SOX6: variants seen among roughly 807,000 people sequenced by gnomAD.
SOX6 encodes the protein transcription factor SOX-6.
Under a neutral mutation model 97.8 loss-of-function variants are expected in SOX6, and 11 were observed. That is an observed-to-expected ratio of 0.11 (90% CI 0.07 to 0.19). SOX6 has a LOEUF of 0.19. Ranked by LOEUF, SOX6 falls within the 10% of genes least tolerant of loss-of-function variation. The pLI, the probability that SOX6 is intolerant of heterozygous loss-of-function variation, is 1.00. For missense variants in SOX6, 810 were observed against 1,039.5 expected, an observed-to-expected ratio of 0.78 and a Z score of 3.04; for synonymous variants, 360 against 371.4, an observed-to-expected ratio of 0.97 and a Z score of 0.35.
intron 3 of SOX6, among the ~76,000 whole-genome samples, chr11:16,288,876 A>C (rs1485148671): frequency 2.6e-5 from 4 of 152,142 alleles, no homozygotes; most frequent in African/African-American, 9.6e-5. Flanking sequence ...TCCATTAAAC[A>C]AATCATATTT....
At chr11:16,071,926 A>G (rs1232075392) in intron 9 of SOX6, among the ~76,000 whole-genome samples, 1 of 151,604 alleles carries the variant, frequency 6.6e-6, no homozygotes, top group East Asian at 1.9e-4. Context: ...AAAAAAAAAG[A>G]AAAACATTCA....
At chr11:16,113,443 T>C (rs1352779870) in intron 6 of SOX6, among the ~76,000 whole-genome samples, 2 of 152,206 alleles carry the variant, frequency 1.3e-5, no homozygotes, top group Non-Finnish European at 2.9e-5. Context: ...CCTGCTTAAA[T>C]TGGAGCTGAT....
At chr11:16,444,696 C>A (rs1859579530) in intron 1 of SOX6, among the ~76,000 whole-genome samples, 1 of 152,168 alleles carries the variant, frequency 6.6e-6, no homozygotes. Flanking sequence ...TAGAATCATT[C>A]TGACATAGTG....
chr11:16,140,223 T>TTCAAACCC (rs1317617864), intron 6 of SOX6, among the ~76,000 whole-genome samples: 1 of 152,132 alleles, frequency 6.6e-6, no homozygotes, highest in African/African-American at 2.4e-5. Flanking sequence ...TAATAGGATC[T>TTCAAACCC]TCAAACCCCA....
Position 15,977,871 on chromosome 11 carries a change from T to C in SOX6, c.2184-4759A>G, listed in dbSNP as rs188762439. ...CTCCCCCTTTCTCACTCCAAGCTAATGGCCTGGCTTTCTATTTCATGGAGA... is the reference window on the plus strand; with the variant it reads ...CTCCCCCTTTCTCACTCCAAGCTAACGGCCTGGCTTTCTATTTCATGGAGA... On this transcript the variant is annotated intron_variant, in intron 15 of 15. Coordinates refer to ENST00000683767, the MANE Select transcript of SOX6 (RefSeq NM_001367873.1). Among the ~76,000 whole-genome samples, 8 of 152,174 alleles carry C rather than the reference T, an allele frequency of 5.3e-5. No individual in the cohort carries two copies. The East Asian group carries it at 1.6e-3, about 30-fold the overall frequency.
chr11:16,286,376 G>A (rs1268476343), intron 3 of SOX6, among the ~76,000 whole-genome samples: 1 of 152,084 alleles, frequency 6.6e-6, no homozygotes, highest in Non-Finnish European at 1.5e-5. Flanking sequence ...TACATATCAA[G>A]AAGAAGAGGA....
At chr11:16,348,726 G>T (rs543568062) in intron 1 of SOX6, among the ~76,000 whole-genome samples, 6 of 152,214 alleles carry the variant, frequency 3.9e-5, no homozygotes, top group African/African-American at 1.4e-4. Flanking sequence ...TTTGTTTTTA[G>T]AGATGTCTTT....
At chr11:15,998,164 G>A (rs998244211) in intron 13 of SOX6, among the ~76,000 whole-genome samples, 2 of 151,284 alleles carry the variant, frequency 1.3e-5, no homozygotes, top group Non-Finnish European at 3.0e-5. Flanking sequence ...AATGTCATCT[G>A]TTCATATATA....
intron 1 of SOX6, among the ~76,000 whole-genome samples, chr11:16,426,189 G>T (rs2133070037): frequency 7.5e-6 from 1 of 133,406 alleles, no homozygotes; most frequent in Non-Finnish European, 1.5e-5. Context: ...CCGGGAGGCA[G>T]AGCTTGCAGT....
At chr11:16,555,406 T>C (rs1429804965) in intron 4 of SOX6, among the ~76,000 whole-genome samples, 2 of 151,568 alleles carry the variant, frequency 1.3e-5, no homozygotes, top group African/African-American at 4.8e-5. Context: ...AAATAAAATA[T>C]ATTATCATTA....
At position 15,972,450 on chromosome 11, in the gene SOX6, C is replaced by T. The variant is rs1853344464; in HGVS notation, c.*359G>A. ...ATACCTGAGTGAGAATGTTTAACCCCATCTAAAACAGTAACTTAAACCTTT... is the reference window on the plus strand; with the variant it reads ...ATACCTGAGTGAGAATGTTTAACCCTATCTAAAACAGTAACTTAAACCTTT... On this transcript the variant is annotated 3_prime_UTR_variant, in exon 16 of 16. Coordinates refer to ENST00000683767, the MANE Select transcript of SOX6 (RefSeq NM_001367873.1). 1 of 284,924 alleles carries T rather than the reference C, an allele frequency of 3.5e-6. No homozygotes were observed. Among genetic ancestry groups the T allele is most frequent in the Admixed American group, 5.0e-5 (1 of 20,156 alleles). The allele number at this position is 284,924 out of a possible 1,614,324, so 17.6% of individuals were successfully genotyped here.
chr11:16,096,732 A>T (rs1848806461), intron 8 of SOX6, among the ~76,000 whole-genome samples: 1 of 151,916 alleles, frequency 6.6e-6, no homozygotes, highest in Admixed American at 6.6e-5. Flanking sequence ...ATAATTTAAG[A>T]AAACTCAAAA....
rs1194524050 is a variant in SOX6 at position 16,115,225 on chromosome 11, T to C, written c.778-3302A>G. 5.3e-5 allele frequency among the ~76,000 whole-genome samples: 8 copies of C among 152,162 alleles called. No homozygotes were observed. In the South Asian group the frequency reaches 1.7e-3, roughly 32 times the overall value. ...AGAACTTGGAAATGACCTAACCTAG[T>C]AGTTCTCAAAGTGTGGTACCAGACC... On this transcript the variant is annotated intron_variant, in intron 6 of 15. Coordinates refer to ENST00000683767, the MANE Select transcript of SOX6 (RefSeq NM_001367873.1).
At chr11:16,720,053 G>T (rs1213972137) in intron 2 of SOX6, among the ~76,000 whole-genome samples, 3 of 152,158 alleles carry the variant, frequency 2.0e-5, no homozygotes, top group Non-Finnish European at 2.9e-5. Flanking sequence ...TGGGATGCAA[G>T]GCTGGTTCAA....
rs561064433 is a variant in SOX6 at position 16,611,234 on chromosome 11, C to T, written n.609+847G>A. On this transcript the variant is annotated intron_variant and non_coding_transcript_variant, in intron 4 of 5. Coordinates refer to the SOX6 transcript ENST00000524520. Reference sequence around the variant, plus strand: ...GAAGGACAAGGCAATTAATTCTGCTCGAGAAGTTAGTATTTAAAACACCCA... The same window carrying T: ...GAAGGACAAGGCAATTAATTCTGCTTGAGAAGTTAGTATTTAAAACACCCA... 2.6e-5 allele frequency among the ~76,000 whole-genome samples: 4 copies of T among 152,304 alleles called. No homozygotes were observed. The South Asian group carries it at 8.3e-4, about 32-fold the overall frequency.
At chr11:16,520,233 T>G (rs1397905112) in intron 4 of SOX6, among the ~76,000 whole-genome samples, 1 of 152,238 alleles carries the variant, frequency 6.6e-6, no homozygotes, top group Non-Finnish European at 1.5e-5. Context: ...TTGTTTTTGT[T>G]GCATTTGCTT....
At chr11:16,200,706 TA>T (rs1460278931) in intron 4 of SOX6, among the ~76,000 whole-genome samples, 1 of 152,222 alleles carries the variant, frequency 6.6e-6, no homozygotes, top group African/African-American at 2.4e-5. Flanking sequence ...GCAACAATAA[TA>T]TATAAAATCT....
chr11:16,364,281 G>T (rs933830556), intron 1 of SOX6, among the ~76,000 whole-genome samples: 1 of 152,062 alleles, frequency 6.6e-6, no homozygotes, highest in Non-Finnish European at 1.5e-5. Flanking sequence ...AGAAAAAAAT[G>T]TCAGGACTTA....
intron 4 of SOX6, among the ~76,000 whole-genome samples, chr11:16,203,440 T>C (rs754194055): frequency 5.9e-5 from 9 of 152,140 alleles, no homozygotes; most frequent in Admixed American, 2.0e-4. Flanking sequence ...TTTTGGCCAA[T>C]ATATTTCTTG....
Sources: gnomAD v4.1 joint callset for allele counts (sites outside exome capture counted in the v4.1 genomes callset) on GRCh38, gnomAD v4.1.1 for gene constraint, MANE v1.5 for transcripts, NCBI Gene and HGNC (gene_info 2026-07-23, HGNC 2026-07-21) for gene names.